BABAM2: variants seen among roughly 807,000 people sequenced by gnomAD.
BABAM2 encodes BRISC and BRCA1 A complex member 2.
A neutral mutation model predicts 54.7 loss-of-function variants in BABAM2; 31 were observed. The ratio of observed to expected loss-of-function variants is 0.57; its 90% CI spans 0.43 to 0.77. The LOEUF (loss-of-function observed/expected upper bound fraction) is 0.77. Ranked by LOEUF, BABAM2 falls within the 30% of genes least tolerant of loss-of-function variation. The pLI, the probability that BABAM2 is intolerant of heterozygous loss-of-function variation, is 0.00. For synonymous variants in BABAM2, 167 were observed against 162.9 expected, an observed-to-expected ratio of 1.03 and a Z score of -0.19; for missense variants, 364 against 455.8, an observed-to-expected ratio of 0.80 and a Z score of 1.83.
intron 7 of BABAM2, among the ~76,000 whole-genome samples, chr2:28,139,778 A>T (rs1157238290): frequency 6.6e-6 from 1 of 152,146 alleles, no homozygotes; most frequent in Non-Finnish European, 1.5e-5. Flanking sequence ...GTAGCTGTTG[A>T]AATGCTTTCC....
At chr2:27,998,499 A>G (rs1337006506) in intron 4 of BABAM2, among the ~76,000 whole-genome samples, 6 of 151,882 alleles carry the variant, frequency 4.0e-5, no homozygotes, top group East Asian at 1.9e-4. Flanking sequence ...ATATATTATC[A>G]TAAGCATTTT....
chr2:28,017,352 A>C (rs1674904861), intron 4 of BABAM2, among the ~76,000 whole-genome samples: 2 of 151,598 alleles, frequency 1.3e-5, no homozygotes, highest in African/African-American at 4.8e-5. Flanking sequence ...GAAATGTAAA[A>C]TGTTGTTGGT....
chr2:28,299,869 T>C (rs1029950492), intron 11 of BABAM2, among the ~76,000 whole-genome samples: 2 of 152,212 alleles, frequency 1.3e-5, no homozygotes, highest in African/African-American at 4.8e-5. Flanking sequence ...TGGGGCCTCC[T>C]GACCTCACCT....
chr2:28,067,557 G>A (rs1663720743), intron 6 of BABAM2, among the ~76,000 whole-genome samples: 1 of 152,196 alleles, frequency 6.6e-6, no homozygotes, highest in Admixed American at 6.5e-5. Context: ...AAGGCCCAGA[G>A]GTGGATGAGT....
At chr2:28,035,556 T>C (rs1044331455) in intron 5 of BABAM2, among the ~76,000 whole-genome samples, 2 of 152,174 alleles carry the variant, frequency 1.3e-5, no homozygotes, top group African/African-American at 4.8e-5. Context: ...TACAGTATAC[T>C]CCAAGGAATT....
At position 27,894,589 on chromosome 2, in the gene BABAM2, T is replaced by C; in HGVS notation, c.33T>C (p.Ser11=). 6.2e-7 allele frequency: 1 copy of C among 1,614,050 alleles called. No homozygotes were observed. The highest frequency in any genetic ancestry group is 8.5e-7 in the Non-Finnish European group (1 of 1,179,914). MSPEVALNRI[S]PMLSPFISSV... ...CAGAAGTGGCCTTGAACCGAATATC[T>C]CCAATGCTCTCCCCTTTCATATCTA... The change falls in exon 2 of 12, where the codon TCT becomes TCC. Residue 11 remains serine (S), a synonymous_variant. Transcript: ENST00000379624.
At chr2:27,904,706 C>T (rs916014899) in intron 2 of BABAM2, among the ~76,000 whole-genome samples, 3 of 152,118 alleles carry the variant, frequency 2.0e-5, no homozygotes, top group South Asian at 4.2e-4. Context: ...GAAAATACTG[C>T]ATTCATGAAA....
chr2:28,052,402 C>T (rs544488939), intron 6 of BABAM2, among the ~76,000 whole-genome samples: 2 of 151,786 alleles, frequency 1.3e-5, no homozygotes, highest in Admixed American at 1.3e-4. Flanking sequence ...ATTCTCATAC[C>T]TCAGCTTCCC....
chr2:27,969,732 T>G (rs1291753828), intron 3 of BABAM2, among the ~76,000 whole-genome samples: 3 of 152,100 alleles, frequency 2.0e-5, no homozygotes, highest in African/African-American at 7.2e-5. Flanking sequence ...TTTGGTAAAT[T>G]CTGTGGACAT....
chr2:28,208,515 C>T (rs765158598), intron 7 of BABAM2, among the ~76,000 whole-genome samples: 4 of 152,220 alleles, frequency 2.6e-5, no homozygotes, highest in Non-Finnish European at 5.9e-5. Context: ...TGCCCTGAGG[C>T]ACTGCCTCTA....
chr2:28,279,960 G>T (rs911271583), intron 10 of BABAM2, among the ~76,000 whole-genome samples: 3 of 152,062 alleles, frequency 2.0e-5, no homozygotes, highest in African/African-American at 7.2e-5. Flanking sequence ...GAGCCACCAC[G>T]CCCGGCAGAG....
intron 11 of BABAM2, among the ~76,000 whole-genome samples, chr2:28,320,426 G>A (rs910399918): frequency 3.3e-5 from 5 of 152,234 alleles, no homozygotes; most frequent in Admixed American, 6.5e-5. Context: ...GCATGTCAGC[G>A]CTGTCGCACA....
chr2:28,295,758 A>G (rs906836818), intron 10 of BABAM2, among the ~76,000 whole-genome samples: 4 of 151,870 alleles, frequency 2.6e-5, no homozygotes, highest in African/African-American at 7.2e-5. Flanking sequence ...CAGCCTCCCA[A>G]AGTACTGGGA....
chr2:28,039,892 A>G (rs1676936920), intron 5 of BABAM2, among the ~76,000 whole-genome samples: 1 of 152,194 alleles, frequency 6.6e-6, no homozygotes, highest in Admixed American at 6.5e-5. Context: ...AAAGGCTGAC[A>G]TTTTAACAGT....
chr2:28,237,633 T>A (rs1682032521), intron 8 of BABAM2, among the ~76,000 whole-genome samples: 1 of 152,240 alleles, frequency 6.6e-6, no homozygotes, highest in Admixed American at 6.5e-5. Context: ...TTTAAAACTT[T>A]GGAACCCCAT....
At chr2:28,279,225 TG>T (rs1686136367) in intron 10 of BABAM2, among the ~76,000 whole-genome samples, 1 of 152,132 alleles carries the variant, frequency 6.6e-6, no homozygotes, top group Admixed American at 6.5e-5. Context: ...TTGCTTTCTC[TG>T]CCACCACCAG....
At chr2:28,328,499 A>G (rs552917642) in intron 11 of BABAM2, among the ~76,000 whole-genome samples, 1 of 152,122 alleles carries the variant, frequency 6.6e-6, no homozygotes, top group Non-Finnish European at 1.5e-5. Context: ...ACCCCACCCT[A>G]CCACCACATT....
At chr2:28,188,645 A>C (rs558712441) in intron 7 of BABAM2, among the ~76,000 whole-genome samples, 12 of 152,302 alleles carry the variant, frequency 7.9e-5, no homozygotes, top group African/African-American at 2.9e-4. Flanking sequence ...GGCTTTCCCA[A>C]CAACAGGCCT....
intron 11 of BABAM2, among the ~76,000 whole-genome samples, chr2:28,319,490 C>G (rs1689844421): frequency 6.6e-6 from 1 of 152,250 alleles, no homozygotes; most frequent in Non-Finnish European, 1.5e-5. Context: ...TTGTACCTGG[C>G]ATGTTAGAAG....
Sources: allele counts gnomAD v4.1 joint callset (sites outside exome capture counted in the v4.1 genomes callset), GRCh38; gene constraint gnomAD v4.1.1; transcripts MANE v1.5; gene names NCBI Gene and HGNC (gene_info 2026-07-23, HGNC 2026-07-21).